The following ZFHX3 variants were observed in gnomAD, a reference collection of about 807,000 sequenced individuals.
ZFHX3 encodes the protein zinc finger homeobox 3.
Under a neutral mutation model 279.1 loss-of-function variants are expected in ZFHX3, and 42 were observed. That is an observed-to-expected ratio of 0.15 (90% CI 0.12 to 0.19). The LOEUF (loss-of-function observed/expected upper bound fraction) is 0.19, where lower values mean the gene tolerates loss of function less well. ZFHX3 is among the 10% of genes least tolerant of loss of function. The pLI is 1.00. For synonymous variants in ZFHX3, 2,293 were observed against 1,957.8 expected (o/e 1.17, Z -4.52); for missense variants, 4,981 against 4,754.0 (o/e 1.05, Z -1.40).
chr16:72,868,564 G>A (rs149959660), intron 4 of ZFHX3, among the ~76,000 whole-genome samples: 17 of 152,292 alleles, frequency 1.1e-4, no homozygotes, highest in East Asian at 9.6e-4. Flanking sequence ...TCAGGGCTCC[G>A]CACTCCCTAG....
At chr16:73,191,084 T>A (rs1167301408) in intron 5 of ZFHX3, among the ~76,000 whole-genome samples, 2 of 152,094 alleles carry the variant, frequency 1.3e-5, no homozygotes, top group South Asian at 4.2e-4. Flanking sequence ...CCCAGCCTGA[T>A]GTCATATTCA....
intron 5 of ZFHX3, among the ~76,000 whole-genome samples, chr16:73,213,583 T>C (rs572795299): frequency 9.2e-5 from 14 of 152,370 alleles, no homozygotes; most frequent in African/African-American, 3.4e-4. Flanking sequence ...TTTTGTTTTC[T>C]AATACTTGGC....
intron 7 of ZFHX3, among the ~76,000 whole-genome samples, chr16:73,100,114 C>T (rs1966213342): frequency 6.6e-6 from 1 of 152,164 alleles, no homozygotes. Flanking sequence ...TCCGGGGCTC[C>T]ACCATTGAGC....
Position 72,898,086 on chromosome 16 carries a change from G to A in ZFHX3, c.3217-8124C>T, listed in dbSNP as rs938344804. On this transcript the variant is annotated intron_variant, in intron 3 of 9. Coordinates refer to ENST00000268489, the MANE Select transcript of ZFHX3 (RefSeq NM_006885.4). ...GTCAGATCGCGTTATAGTTCCAAATGTAATGTCACATTTTTAGGAAGACTC... is the reference window on the plus strand; with the variant it reads ...GTCAGATCGCGTTATAGTTCCAAATATAATGTCACATTTTTAGGAAGACTC... Among the ~76,000 whole-genome samples the A allele has an allele frequency of 3.3e-5, 5 of 152,142 alleles. No individual in the cohort carries two copies. In the South Asian group the frequency reaches 8.3e-4, roughly 25 times the overall value.
At chr16:73,334,786 C>G (rs1375812779) in intron 3 of ZFHX3, among the ~76,000 whole-genome samples, 1 of 86,340 alleles carries the variant, frequency 1.2e-5, no homozygotes, top group Non-Finnish European at 2.5e-5. Context: ...AAGGAGATCT[C>G]TTTTCCTCCT....
chr16:72,784,046 T>A lies in ZFHX3; in HGVS notation c.*3118A>T, dbSNP rs546311172. 6.6e-6 allele frequency: 1 copy of A among 152,642 alleles called. No homozygotes were observed. The highest frequency in any genetic ancestry group is 1.9e-4 in the East Asian group (1 of 5,184). The allele number at this position is 152,642 out of a possible 1,614,324, so 9.5% of individuals were successfully genotyped here. On this transcript the variant is annotated 3_prime_UTR_variant, in exon 10 of 10. Transcript: ENST00000268489. ...ATGAACATATATGTGGGCGGTTTAG[T>A]TGCAGAGGAAAGCATTAAGGGTGCA...
intron 2 of ZFHX3, among the ~76,000 whole-genome samples, chr16:73,622,046 G>A (rs147868384): frequency 6.6e-6 from 1 of 152,150 alleles, no homozygotes; most frequent in African/African-American, 2.4e-5. Context: ...TCTGTTTCAA[G>A]CTTTCCATGT....
In ZFHX3 at chr16:73,603,772, C is replaced by CTTTT. The variant is rs11459049; in HGVS notation, c.-1547+76404_-1547+76407dup. 5.0e-4 allele frequency among the ~76,000 whole-genome samples: 53 copies of CTTTT among 105,480 alleles called. 2 individuals carry two copies. The highest frequency in any genetic ancestry group is 1.7e-3 in the African/African-American group (46 of 27,808). The allele number at this position is 105,480 out of a possible 152,430, so 69.2% of individuals were successfully genotyped here. On this transcript the variant is annotated intron_variant, in intron 2 of 17. Transcript: ENST00000641206. ...TAAAAATACTCAGGAAAAAAATACGCTTTTTTTTTTTTTTTTTTTGAGATG... is the reference window on the plus strand; with the variant it reads ...TAAAAATACTCAGGAAAAAAATACGCTTTTTTTTTTTTTTTTTTTTTTTGAGATG...
intron 2 of ZFHX3, among the ~76,000 whole-genome samples, chr16:73,672,387 A>G (rs1162410941): frequency 6.6e-6 from 1 of 152,116 alleles, no homozygotes; most frequent in East Asian, 1.9e-4. Context: ...ACTCCAGGGG[A>G]CCCAATAGGA....
Position 72,866,057 on chromosome 16 carries a change from A to G in ZFHX3, c.3448+23674T>C, listed in dbSNP as rs181963521. Among the ~76,000 whole-genome samples, 3 of 152,320 alleles carry G rather than the reference A, an allele frequency of 2.0e-5. No homozygotes were observed. In the East Asian group the frequency reaches 5.8e-4, roughly 29 times the overall value. ...AAAGATAATGTGATGCGGTCGTGAG[A>G]TGCCCAAATTGGAAGGAGGAAAAAA... On this transcript the variant is annotated intron_variant, in intron 4 of 9. Transcript: ENST00000268489.
chr16:73,316,737 G>T (rs968207218), intron 4 of ZFHX3, among the ~76,000 whole-genome samples: 1 of 152,016 alleles, frequency 6.6e-6, no homozygotes, highest in Non-Finnish European at 1.5e-5. Flanking sequence ...ACTTCCAAAC[G>T]GTTGCTATAC....
chr16:73,518,292 T>C (rs1300234124), intron 2 of ZFHX3, among the ~76,000 whole-genome samples: 1 of 152,188 alleles, frequency 6.6e-6, no homozygotes, highest in Non-Finnish European at 1.5e-5. Flanking sequence ...TTTAGAAATG[T>C]TATTTATTTT....
chr16:73,506,412 G>C (rs2019327110), intron 2 of ZFHX3, among the ~76,000 whole-genome samples: 1 of 152,080 alleles, frequency 6.6e-6, no homozygotes, highest in African/African-American at 2.4e-5. Flanking sequence ...GCATATGGTG[G>C]GAAATACAGT....
At chr16:73,566,513 C>T (rs1009687058) in intron 2 of ZFHX3, among the ~76,000 whole-genome samples, 3 of 152,124 alleles carry the variant, frequency 2.0e-5, no homozygotes, top group African/African-American at 7.2e-5. Context: ...GTCCTTTGCA[C>T]TCCTTGGCTT....
intron 7 of ZFHX3, among the ~76,000 whole-genome samples, chr16:72,803,012 T>C (rs989237584): frequency 6.6e-6 from 1 of 152,104 alleles, no homozygotes; most frequent in African/African-American, 2.4e-5. Flanking sequence ...TAGTCTCTAA[T>C]GGATAGCTGA....
chr16:73,198,007 G>A (rs186127981), intron 5 of ZFHX3, among the ~76,000 whole-genome samples: 20 of 135,134 alleles, frequency 1.5e-4, no homozygotes, highest in African/African-American at 5.7e-4. Flanking sequence ...GCACGATCTC[G>A]GCTCACTGCA....
intron 1 of ZFHX3, among the ~76,000 whole-genome samples, chr16:73,003,329 A>G (rs1469325274): frequency 6.6e-6 from 1 of 151,914 alleles, no homozygotes. Flanking sequence ...AAAAAAAAAA[A>G]AAACCATCAG....
In ZFHX3 at chr16:72,796,736, C is replaced by G; in HGVS notation, c.5946G>C (p.Lys1982Asn). The change falls in exon 9 of 10, where the codon AAG (lysine) becomes AAC (asparagine). Residue 1982 changes from lysine to asparagine, a missense_variant. This residue lies in a region of ZFHX3 where 1,751 missense variants were observed against 1,770.0 expected (regional missense o/e 0.99). Transcript: ENST00000268489. ...GKTDQGENLE[K>N]LECDSCGKLF... Reference sequence around the variant, plus strand: ...ACTTGCCGCAGGAGTCACACTCGAGCTTTTCCAGGTTCTCTCCCTGGTCAG... The same window carrying G: ...ACTTGCCGCAGGAGTCACACTCGAGGTTTTCCAGGTTCTCTCCCTGGTCAG... 1 of 1,613,842 alleles carries G rather than the reference C, an allele frequency of 6.2e-7. No homozygotes were observed. Among genetic ancestry groups the G allele is most frequent in the African/African-American group, 1.3e-5 (1 of 74,940 alleles).
In ZFHX3 at chr16:72,787,665, C is replaced by T. The variant is rs772450003; in HGVS notation, c.10611G>A (p.Ala3537=). 3 of 1,572,540 alleles carry T rather than the reference C, an allele frequency of 1.9e-6. No homozygotes were observed. Among genetic ancestry groups the T allele is most frequent in the South Asian group, 2.3e-5 (2 of 85,540 alleles). ...GACTCAGAGCTTCCTCCCCACAGAGCGCGCTCTCGCACGCCAGGCAGTGGT... is the reference window on the plus strand; with the variant it reads ...GACTCAGAGCTTCCTCCCCACAGAGTGCGCTCTCGCACGCCAGGCAGTGGT... The part of the protein sequence containing the change: ...GSYHCLACES[A]LCGEEALSQH... The change falls in exon 10 of 10, where the codon GCG becomes GCA. Residue 3537 remains alanine (A), a synonymous_variant. Coordinates refer to ENST00000268489, the MANE Select transcript of ZFHX3 (RefSeq NM_006885.4).
Sources: allele counts gnomAD v4.1 joint callset (sites outside exome capture counted in the v4.1 genomes callset), GRCh38; gene constraint gnomAD v4.1.1; regional missense constraint gnomAD v4.1.1; transcripts MANE v1.5; gene names NCBI Gene and HGNC (gene_info 2026-07-23, HGNC 2026-07-21).